The following PRELID2 variants were observed in gnomAD, a reference collection of about 807,000 sequenced individuals.
PRELID2 encodes PRELI domain-containing protein 2.
Under a neutral mutation model 28.4 loss-of-function variants are expected in PRELID2, and 25 were observed. That is an observed-to-expected ratio of 0.88 (90% CI 0.64 to 1.23). The LOEUF is 1.23. Ranked by LOEUF, PRELID2 falls within the 50% of genes most tolerant of loss-of-function variation. The pLI is 0.00. For synonymous variants in PRELID2, 76 were observed against 71.6 expected (o/e 1.06, Z -0.31); for missense variants, 201 against 214.4 (o/e 0.94, Z 0.39).
At chr5:145,427,365 T>G in the PRELID2 span, among the ~76,000 whole-genome samples, 1 of 152,194 alleles carries the variant, frequency 6.6e-6, no homozygotes, top group Non-Finnish European at 1.5e-5. Flanking sequence ...ATTAATCAGA[T>G]TTAAGACTCT....
intron 1 of PRELID2, chr5:145,704,073 T>C (rs963235831): frequency 6.6e-6 from 1 of 152,210 alleles, no homozygotes; most frequent in Admixed American, 6.5e-5. Flanking sequence ...GTGAGCTCAC[T>C]GGGCTGTAAC....
chr5:145,645,142 G>C (rs1351207935), intron 1 of PRELID2, among the ~76,000 whole-genome samples: 1 of 151,964 alleles, frequency 6.6e-6, no homozygotes, highest in Non-Finnish European at 1.5e-5. Context: ...ATTATTGTGT[G>C]GGAGTCTAAG....
chr5:145,823,225 A>C, intron 1 of PRELID2, 91 bp from the exon 2 acceptor site: 1 of 615,302 alleles, frequency 1.6e-6, no homozygotes, highest in Non-Finnish European at 2.9e-6. Context: ...AGGACTAGTA[A>C]ATATTTTCCA....
chr5:145,399,990 G>T, the PRELID2 span, among the ~76,000 whole-genome samples: 1 of 151,648 alleles, frequency 6.6e-6, no homozygotes, highest in African/African-American at 2.4e-5. Flanking sequence ...AATTCAAAAT[G>T]AGATTTGGAT....
At chr5:145,382,553 A>C in the PRELID2 span, among the ~76,000 whole-genome samples, 2 of 152,068 alleles carry the variant, frequency 1.3e-5, no homozygotes, top group Admixed American at 6.5e-5. Context: ...AGAGTCAAGA[A>C]GGCAATAAAA....
the PRELID2 span, among the ~76,000 whole-genome samples, chr5:145,430,903 C>T: frequency 6.6e-6 from 1 of 150,984 alleles, no homozygotes; most frequent in Non-Finnish European, 1.5e-5. Flanking sequence ...TCTAGTAATT[C>T]TCAACCCAGA....
the PRELID2 span, chr5:145,450,769 T>C: frequency 6.6e-6 from 1 of 152,198 alleles, no homozygotes; most frequent in Non-Finnish European, 1.5e-5. Context: ...CAAGACAGTC[T>C]GCCTAGCCAG....
At position 145,632,685 on chromosome 5, in the gene PRELID2, C is replaced by T. The variant is rs565213560; in HGVS notation, n.70+132246G>A. On this transcript the variant is annotated intron_variant and non_coding_transcript_variant, in intron 1 of 2. Coordinates refer to the PRELID2 transcript ENST00000510259. ...AATTCTAAGGCAGCCCTCAAGAATC[C>T]CACAGCCTGGTGTACGCATCCTCTA... is the stretch of plus-strand genomic sequence containing the variant. 1.2e-4 allele frequency among the ~76,000 whole-genome samples: 19 copies of T among 152,258 alleles called. 1 individual carries two copies. In the East Asian group the frequency reaches 3.1e-3, roughly 25 times the overall value.
At chr5:145,326,073 A>T in the PRELID2 span, among the ~76,000 whole-genome samples, 1 of 152,166 alleles carries the variant, frequency 6.6e-6, no homozygotes, top group African/African-American at 2.4e-5. Flanking sequence ...CAGTAACATG[A>T]TCATAGCTCA....
the PRELID2 span, among the ~76,000 whole-genome samples, chr5:145,282,518 T>C: frequency 3.9e-4 from 59 of 151,850 alleles, no homozygotes; most frequent in African/African-American, 1.4e-3. Context: ...AGCTCTTCTT[T>C]TTTTTTTTTT....
intron 1 of PRELID2, among the ~76,000 whole-genome samples, chr5:145,718,746 T>A (rs1321998677): frequency 6.6e-6 from 1 of 151,826 alleles, no homozygotes; most frequent in Non-Finnish European, 1.5e-5. Flanking sequence ...TATGACAAAA[T>A]GCAAATAATT....
intron 1 of PRELID2, among the ~76,000 whole-genome samples, chr5:145,551,627 G>T (rs1160074690): frequency 6.6e-6 from 1 of 152,138 alleles, no homozygotes; most frequent in African/African-American, 2.4e-5. Context: ...AAGTGTCACT[G>T]CAGTGATTGA....
the PRELID2 span, among the ~76,000 whole-genome samples, chr5:145,299,635 A>ATG: frequency 2.8e-4 from 30 of 107,610 alleles, no homozygotes; most frequent in African/African-American, 6.4e-4. Flanking sequence ...CTACATATAT[A>ATG]TGTGTGTGCG....
At chr5:145,741,363 T>C (rs1756730215) in intron 1 of PRELID2, among the ~76,000 whole-genome samples, 2 of 117,342 alleles carry the variant, frequency 1.7e-5, no homozygotes, top group South Asian at 5.3e-4. Context: ...AAATAATTTA[T>C]TTATATATAA....
intron 5 of PRELID2, among the ~76,000 whole-genome samples, chr5:145,773,552 C>T (rs943875075): frequency 5.9e-5 from 9 of 152,194 alleles, no homozygotes; most frequent in Non-Finnish European, 1.3e-4. Flanking sequence ...TGCTGGAAAC[C>T]TCCATTCATG....
At chr5:145,462,735 G>A in the PRELID2 span, among the ~76,000 whole-genome samples, 2 of 152,324 alleles carry the variant, frequency 1.3e-5, no homozygotes, top group Admixed American at 1.3e-4. Context: ...TAATCACTGT[G>A]AGTTGGCTGT....
chr5:145,571,710 G>A (rs911335318), intron 1 of PRELID2, among the ~76,000 whole-genome samples: 1 of 152,028 alleles, frequency 6.6e-6, no homozygotes, highest in South Asian at 2.1e-4. Flanking sequence ...GGCCAGGTGC[G>A]GTGGTTCACG....
At chr5:145,761,214 C>A (rs1187672742) in intron 6 of PRELID2, among the ~76,000 whole-genome samples, 3 of 152,150 alleles carry the variant, frequency 2.0e-5, no homozygotes, top group African/African-American at 4.8e-5. Context: ...TTAAAAATTG[C>A]AAAATTCCAA....
At chr5:145,690,725 C>T (rs1355990551) in intron 1 of PRELID2, among the ~76,000 whole-genome samples, 2 of 152,176 alleles carry the variant, frequency 1.3e-5, no homozygotes, top group Admixed American at 1.3e-4. Context: ...TTCTTTCACT[C>T]ACTATGAAAA....
Sources: gnomAD v4.1 joint callset for allele counts (sites outside exome capture counted in the v4.1 genomes callset) on GRCh38, gnomAD v4.1.1 for gene constraint, MANE v1.5 for transcripts, NCBI Gene and HGNC (gene_info 2026-07-23, HGNC 2026-07-21) for gene names.